Variants in GRHL2 observed in about 807,000 individuals in gnomAD.
GRHL2 encodes grainyhead-like protein 2 homolog.
GRHL2 carries 21 observed loss-of-function variants against 83.8 expected under a neutral mutation model. The ratio of observed to expected loss-of-function variants is 0.25; its 90% confidence interval spans 0.18 to 0.36. The LOEUF is 0.36. GRHL2 is among the 10% of genes least tolerant of loss of function. GRHL2 has a pLI of 1.00. For synonymous variants in GRHL2, 280 were observed against 278.9 expected (o/e 1.00, Z -0.04); for missense variants, 623 against 781.8 (o/e 0.80, Z 2.42).
At chr8:101,633,831 G>A (rs10955266) in intron 11 of GRHL2, among the ~76,000 whole-genome samples, 39,940 of 151,980 alleles carry the variant, frequency 0.26, 5,399 homozygotes, top group South Asian at 0.34. Flanking sequence ...CCAGAAGAAG[G>A]GATAGTTGAG....
At chr8:101,552,164 C>T (rs1811394036) in intron 2 of GRHL2, among the ~76,000 whole-genome samples, 1 of 152,142 alleles carries the variant, frequency 6.6e-6, no homozygotes, top group African/African-American at 2.4e-5. Flanking sequence ...AGCAAGTCCA[C>T]AAGCTGTGTA....
At chr8:101,629,702 TAG>T (rs1813147819) in intron 9 of GRHL2, among the ~76,000 whole-genome samples, 1 of 152,096 alleles carries the variant, frequency 6.6e-6, no homozygotes, top group Admixed American at 6.6e-5. Context: ...CCCTAGCACA[TAG>T]AAAAATGCCT....
chr8:101,559,344 C>T (rs1811556402), intron 4 of GRHL2, among the ~76,000 whole-genome samples: 1 of 79,206 alleles, frequency 1.3e-5, no homozygotes, highest in Non-Finnish European at 2.1e-5. Flanking sequence ...CCTGTCTCTA[C>T]TAAAAATACA....
chr8:101,609,458 C>A (rs946266432), intron 8 of GRHL2, among the ~76,000 whole-genome samples: 4 of 150,960 alleles, frequency 2.6e-5, no homozygotes, highest in Admixed American at 2.6e-4. Flanking sequence ...TTAGGAAACG[C>A]CTGATATAAA....
intron 1 of GRHL2, among the ~76,000 whole-genome samples, chr8:101,516,568 C>T (rs553454635): frequency 7.2e-5 from 11 of 152,202 alleles, no homozygotes; most frequent in Admixed American, 6.5e-4. Flanking sequence ...CAGGCACATG[C>T]CACCATGCCC....
chr8:101,497,704 T>A (rs1810136328), intron 1 of GRHL2, among the ~76,000 whole-genome samples: 1 of 152,222 alleles, frequency 6.6e-6, no homozygotes, highest in African/African-American at 2.4e-5. Flanking sequence ...GGCATTATAA[T>A]TGCCTTAAAT....
chr8:101,655,850 T>C (rs1296750293), intron 14 of GRHL2, among the ~76,000 whole-genome samples: 1 of 152,232 alleles, frequency 6.6e-6, no homozygotes, highest in Non-Finnish European at 1.5e-5. Context: ...TCTTTTTATC[T>C]GCATTTCTAG....
intron 1 of GRHL2, among the ~76,000 whole-genome samples, chr8:101,508,875 G>A (rs1056065493): frequency 9.2e-5 from 14 of 151,954 alleles, no homozygotes; most frequent in Non-Finnish European, 1.8e-4. Flanking sequence ...ATTGTAATTA[G>A]AAAAAACATA....
intron 10 of GRHL2, 95 bp downstream of exon 10, chr8:101,631,819 C>A: frequency 1.0e-6 from 1 of 978,606 alleles, no homozygotes; most frequent in East Asian, 2.5e-5. Context: ...GCAGGTAAAA[C>A]TGCATACATG....
At chr8:101,601,666 A>T (rs755067011) in intron 8 of GRHL2, among the ~76,000 whole-genome samples, 5 of 152,306 alleles carry the variant, frequency 3.3e-5, no homozygotes, top group Admixed American at 6.5e-5. Flanking sequence ...ATATTGCAAA[A>T]TTTTTTTAAC....
At chr8:101,671,108 T>G (rs1586187972), downstream of GRHL2, among the ~76,000 whole-genome samples, 1 of 152,044 alleles carries the variant, frequency 6.6e-6, no homozygotes, top group African/African-American at 2.4e-5. Context: ...CAGACGACGG[T>G]TGATTTCTGT....
intron 8 of GRHL2, among the ~76,000 whole-genome samples, chr8:101,614,745 A>G (rs1812820372): frequency 6.6e-6 from 1 of 152,228 alleles, no homozygotes; most frequent in Non-Finnish European, 1.5e-5. Flanking sequence ...AAACAAATGA[A>G]TGCTTATCAC....
intron 4 of GRHL2, among the ~76,000 whole-genome samples, chr8:101,564,827 A>AAC (rs1443670160): frequency 6.6e-6 from 1 of 151,522 alleles, no homozygotes; most frequent in Non-Finnish European, 1.5e-5. Flanking sequence ...AAAAAAAAAA[A>AAC]AAACCACTTT....
intron 1 of GRHL2, among the ~76,000 whole-genome samples, chr8:101,508,387 G>GTTT (rs1810382878): frequency 2.9e-5 from 1 of 34,330 alleles, no homozygotes; most frequent in African/African-American, 1.2e-4. Flanking sequence ...CATTTACTCA[G>GTTT]GTTTTTTTTT....
intron 1 of GRHL2, among the ~76,000 whole-genome samples, chr8:101,540,692 T>A (rs1811134462): frequency 6.6e-6 from 1 of 152,232 alleles, no homozygotes; most frequent in African/African-American, 2.4e-5. Flanking sequence ...CTTTTCATTG[T>A]GAGTTCACGC....
At chr8:101,630,700 G>A (rs1015417421) in intron 9 of GRHL2, among the ~76,000 whole-genome samples, 16 of 152,146 alleles carry the variant, frequency 1.1e-4, no homozygotes, top group Non-Finnish European at 1.5e-4. Context: ...TGGAGATGTT[G>A]ATCAGAGTGT....
intron 8 of GRHL2, among the ~76,000 whole-genome samples, chr8:101,604,871 C>T (rs1812598269): frequency 1.3e-5 from 2 of 152,126 alleles, no homozygotes; most frequent in African/African-American, 4.8e-5. Flanking sequence ...TAATATGAAA[C>T]TCTGATCTCC....
At chr8:101,633,671 G>A (rs1295015204) in intron 11 of GRHL2, among the ~76,000 whole-genome samples, 1 of 151,910 alleles carries the variant, frequency 6.6e-6, no homozygotes, top group Non-Finnish European at 1.5e-5. Flanking sequence ...ATAAGAACAA[G>A]GACACAAAGT....
chr8:101,492,787 C>T lies in GRHL2; in HGVS notation c.18C>T (p.Asp6=). 1 of 1,613,954 alleles carries T rather than the reference C, an allele frequency of 6.2e-7. No homozygotes were observed. The highest frequency in any genetic ancestry group is 8.5e-7 in the Non-Finnish European group (1 of 1,179,820). Residue 6 remains aspartate, a splice_region_variant and synonymous_variant, in exon 1 of 16, where the codon GAC becomes GAT. Transcript: ENST00000646743. The part of the protein sequence containing the change: MSQES[D]NNKRLVALVP... ...GATCAAACATGTCACAAGAGTCGGA[C>T]AAGTAAGTGGATCACACGCGCCGGC... is the stretch of plus-strand genomic sequence containing the variant.
Sources: allele counts gnomAD v4.1 joint callset (sites outside exome capture counted in the v4.1 genomes callset), GRCh38; gene constraint gnomAD v4.1.1; transcripts MANE v1.5; gene names NCBI Gene and HGNC (gene_info 2026-07-23, HGNC 2026-07-21).